Variants in UBN2 observed in about 807,000 individuals in gnomAD.
UBN2 encodes the protein ubinuclein 2, also known as ubinuclein-2.
In UBN2, 35 loss-of-function variants were observed where a neutral mutation model predicts 120.2. The observed-to-expected ratio is 0.29, with a 90% CI of 0.22 to 0.39. The LOEUF (loss-of-function observed/expected upper bound fraction) is 0.39, where lower values mean the gene tolerates loss of function less well. Ranked by LOEUF, UBN2 falls within the 10% of genes least tolerant of loss-of-function variation. The pLI is 1.00. For synonymous variants in UBN2, 661 were observed against 648.7 expected (o/e 1.02, Z -0.29); for missense variants, 1,693 against 1,663.2 (o/e 1.02, Z -0.31).
At chr7:139,316,201 T>G in the UBN2 span, among the ~76,000 whole-genome samples, 1 of 151,960 alleles carries the variant, frequency 6.6e-6, no homozygotes, top group African/African-American at 2.4e-5. Flanking sequence ...AGTGGTATCT[T>G]GTTATTCTTT....
intron 17 of UBN2, among the ~76,000 whole-genome samples, chr7:139,296,636 C>T (rs1468951804): frequency 1.3e-5 from 2 of 152,196 alleles, no homozygotes; most frequent in Non-Finnish European, 1.5e-5. Context: ...CCCCTTTCCT[C>T]TCCTCCTGTC....
In UBN2 at chr7:139,303,533, G is replaced by A. The variant is rs1040877602; in HGVS notation, c.*5697G>A. On this transcript the variant is annotated 3_prime_UTR_variant, in exon 18 of 18. Transcript: ENST00000473989. ...TGTTATTCTTGAATGACTATGTCTA[G>A]GGGGAATATTGTTTAACCTTCGTGC... 5.9e-5 allele frequency: 9 copies of A among 152,150 alleles called. No homozygotes were observed. Among genetic ancestry groups the A allele is most frequent in the African/African-American group, 2.2e-4 (9 of 41,434 alleles). 9.4% of individuals were successfully genotyped at this position (152,150 alleles called of 1,614,324 possible).
At chr7:139,297,398 ATGAAAT>A (rs1274755310) in intron 17 of UBN2, among the ~76,000 whole-genome samples, 1 of 152,074 alleles carries the variant, frequency 6.6e-6, no homozygotes, top group African/African-American at 2.4e-5. Context: ...AAAAAAAAAA[ATGAAAT>A]TGACCTGTCT....
chr7:139,299,417 C>G lies in UBN2; in HGVS notation c.*1581C>G, dbSNP rs887175316. The G allele has an allele frequency of 6.6e-6, 1 of 152,022 alleles. No individual in the cohort carries two copies. Among genetic ancestry groups the G allele is most frequent in the African/African-American group, 2.4e-5 (1 of 41,398 alleles). The allele number at this position is 152,022 out of a possible 1,614,324, so 9.4% of individuals were successfully genotyped here. A position where few individuals can be genotyped will look rare whatever the true frequency, so the allele number is the denominator to read the frequency against. On this transcript the variant is annotated 3_prime_UTR_variant, in exon 18 of 18. Coordinates refer to ENST00000473989, the MANE Select transcript of UBN2 (RefSeq NM_173569.4). ...TAACCAGGCCCTTTTTTCTTTTATACACAAAAGTCCCAGATACCCTACAGG... is the reference window on the plus strand; with the variant it reads ...TAACCAGGCCCTTTTTTCTTTTATAGACAAAAGTCCCAGATACCCTACAGG...
intron 10 of UBN2, 67 bp downstream of exon 10, chr7:139,273,477 T>A (rs543072431): frequency 1.8e-5 from 19 of 1,082,010 alleles, no homozygotes; most frequent in African/African-American, 1.1e-4. Flanking sequence ...TAAAAAAAAA[T>A]CTATAATAAA....
chr7:139,309,490 A>G (rs1798419382), downstream of UBN2, among the ~76,000 whole-genome samples: 3 of 152,338 alleles, frequency 2.0e-5, no homozygotes, highest in South Asian at 6.2e-4. Context: ...ATTTAACTAT[A>G]CTTAACTGTG....
In UBN2 at chr7:139,283,095, C is replaced by T. The variant is rs1176481990; in HGVS notation, c.2190C>T (p.Ser730=). The change falls in exon 15 of 18, where the codon AGC becomes AGT. Residue 730 remains serine, a synonymous_variant. Transcript: ENST00000473989. ...CTTCGGTTAGCGGTCCTCCAACGAG[C>T]TCCAGCACAGCTGCCATTGCTGCAG... is the stretch of plus-strand genomic sequence containing the variant. The part of the protein sequence containing the change: ...LVASVSGPPT[S]SSTAAIAAAS... 1 of 1,613,024 alleles carries T rather than the reference C, an allele frequency of 6.2e-7. No individual in the cohort carries two copies. The highest frequency in any genetic ancestry group is 8.5e-7 in the Non-Finnish European group (1 of 1,179,930).
chr7:139,295,646 A>G (rs946331980), intron 17 of UBN2, among the ~76,000 whole-genome samples: 1 of 152,240 alleles, frequency 6.6e-6, no homozygotes, highest in Non-Finnish European at 1.5e-5. Context: ...TCAACCAGGC[A>G]TGGTAGCTCA....
intron 1 of UBN2, 59 bp downstream of exon 1, chr7:139,232,011 C>G: frequency 6.5e-7 from 1 of 1,530,632 alleles, no homozygotes; most frequent in Non-Finnish European, 8.8e-7. Context: ...CCGCCGCCTT[C>G]CCCAGCTGGT....
Position 139,283,242 on chromosome 7 carries a change from T to C in UBN2, c.2337T>C (p.Asn779=). Reference sequence around the variant, plus strand: ...CTGAAGCTTTAGCGGTTATCAACAATGGGAACAAGGGCCCTCCAGTTGGCT... The same window carrying C: ...CTGAAGCTTTAGCGGTTATCAACAACGGGAACAAGGGCCCTCCAGTTGGCT... The part of the protein sequence containing the change: ...LVSEALAVIN[N]GNKGPPVGSR... Residue 779 remains asparagine, a synonymous_variant, in exon 15 of 18, where the codon AAT becomes AAC. Transcript: ENST00000473989. 6.2e-7 allele frequency: 1 copy of C among 1,613,274 alleles called. No homozygotes were observed. Among genetic ancestry groups the C allele is most frequent in the South Asian group, 1.1e-5 (1 of 91,024 alleles).
At chr7:139,324,919 G>A in the UBN2 span, among the ~76,000 whole-genome samples, 13 of 151,970 alleles carry the variant, frequency 8.6e-5, no homozygotes, top group Admixed American at 3.3e-4. Context: ...GCAGTGAGCC[G>A]AGATTGCGCC....
At chr7:139,273,610 CT>C (rs1360328855) in intron 10 of UBN2, among the ~76,000 whole-genome samples, 200 bp downstream of exon 10, 2 of 152,112 alleles carry the variant, frequency 1.3e-5, no homozygotes, top group African/African-American at 2.4e-5. Flanking sequence ...CACTGTAATA[CT>C]TTTTACAAAC....
At chr7:139,239,772 G>T (rs151125663) in intron 2 of UBN2, among the ~76,000 whole-genome samples, 3,057 of 152,132 alleles carry the variant, frequency 0.02, 87 homozygotes, top group African/African-American at 0.062. Flanking sequence ...GGTCAGGCTG[G>T]TCTCGAACTC....
At chr7:139,313,056 G>A (rs534401325), downstream of UBN2, among the ~76,000 whole-genome samples, 1 of 151,984 alleles carries the variant, frequency 6.6e-6, no homozygotes, top group African/African-American at 2.4e-5. Flanking sequence ...ATATGCCTTA[G>A]TATCTAGTAA....
chr7:139,311,320 C>T (rs772269303), downstream of UBN2, among the ~76,000 whole-genome samples: 1 of 152,182 alleles, frequency 6.6e-6, no homozygotes, highest in Non-Finnish European at 1.5e-5. Context: ...TTTGTTTTTT[C>T]TCCCTCTGTG....
chr7:139,244,755 GA>G (rs1563203910), intron 2 of UBN2, among the ~76,000 whole-genome samples: 1 of 151,988 alleles, frequency 6.6e-6, no homozygotes, highest in Non-Finnish European at 1.5e-5. Context: ...GATAGTGTAA[GA>G]AACAATATCT....
At chr7:139,259,441 C>T in intron 5 of UBN2, 71 bp downstream of exon 5, 2 of 1,570,264 alleles carry the variant, frequency 1.3e-6, no homozygotes, top group South Asian at 2.4e-5. Flanking sequence ...GAAAGATATA[C>T]TTACCATTAA....
chr7:139,302,951 C>G lies in UBN2; in HGVS notation c.*5115C>G, dbSNP rs1445702646. 1 of 152,214 alleles carries G rather than the reference C, an allele frequency of 6.6e-6. No individual in the cohort carries two copies. The highest frequency in any genetic ancestry group is 2.1e-4 in the South Asian group (1 of 4,824). 9.4% of individuals were successfully genotyped at this position (152,214 alleles called of 1,614,324 possible). A position where few individuals can be genotyped will look rare whatever the true frequency, so the allele number is the denominator to read the frequency against. On this transcript the variant is annotated 3_prime_UTR_variant, in exon 18 of 18. Transcript: ENST00000473989. ...CCTTGCAAGTCACATTGGTAAGGTG[C>G]GCTAGACTAAACATGTGACAAGGCT...
chr7:139,273,576 T>G (rs1386545956), intron 10 of UBN2, among the ~76,000 whole-genome samples, 166 bp downstream of exon 10: 1 of 152,144 alleles, frequency 6.6e-6, no homozygotes, highest in Non-Finnish European at 1.5e-5. Flanking sequence ...ATCCTCAGAG[T>G]ATTATTGCTT....
Sources: gnomAD v4.1 joint callset for allele counts (sites outside exome capture counted in the v4.1 genomes callset) on GRCh38, gnomAD v4.1.1 for gene constraint, MANE v1.5 for transcripts, NCBI Gene and HGNC (gene_info 2026-07-23, HGNC 2026-07-21) for gene names.